Variants in RAB38 observed in about 807,000 individuals in gnomAD.
RAB38 encodes ras-related protein Rab-38.
Under a neutral mutation model 18.4 loss-of-function variants are expected in RAB38, and 15 were observed. That is an observed-to-expected ratio of 0.82 (90% CI 0.55 to 1.26). The LOEUF (loss-of-function observed/expected upper bound fraction) is 1.26, where lower values mean the gene tolerates loss of function less well. Ranked by LOEUF, RAB38 falls within the 50% of genes most tolerant of loss-of-function variation. The pLI, the probability that RAB38 is intolerant of heterozygous loss-of-function variation, is 0.00. For missense variants in RAB38, 294 were observed against 267.4 expected (o/e 1.10, Z -0.69); for synonymous variants, 101 against 104.4 (o/e 0.97, Z 0.20).
chr11:88,040,681 CA>C, the RAB38 span, among the ~76,000 whole-genome samples: 1 of 151,976 alleles, frequency 6.6e-6, no homozygotes, highest in African/African-American at 2.4e-5. Context: ...CCAGCCTGGA[CA>C]ACAGAGGGAG....
chr11:87,869,423 G>T, the RAB38 span, among the ~76,000 whole-genome samples: 1 of 151,604 alleles, frequency 6.6e-6, no homozygotes, highest in South Asian at 2.1e-4. Flanking sequence ...ATAAGAACCC[G>T]GCTCACTCAC....
intron 1 of RAB38, among the ~76,000 whole-genome samples, chr11:88,156,612 G>A (rs1461756689): frequency 3.3e-5 from 5 of 152,180 alleles, no homozygotes; most frequent in African/African-American, 1.2e-4. Flanking sequence ...TGAGGCAGGA[G>A]AAACACTTGA....
the RAB38 span, among the ~76,000 whole-genome samples, chr11:88,066,868 T>C: frequency 1.3e-5 from 2 of 152,234 alleles, no homozygotes; most frequent in Non-Finnish European, 2.9e-5. Context: ...TACAAACCCC[T>C]GTCATGATTT....
the RAB38 span, among the ~76,000 whole-genome samples, chr11:87,922,897 G>T: frequency 1.3e-5 from 2 of 150,852 alleles, no homozygotes; most frequent in African/African-American, 4.9e-5. Context: ...GATGGAAGGG[G>T]GAAGGGAGGA....
chr11:88,019,908 C>T, the RAB38 span, among the ~76,000 whole-genome samples: 10 of 152,252 alleles, frequency 6.6e-5, no homozygotes, highest in Middle Eastern at 6.8e-3. Flanking sequence ...TGTTTGTGGT[C>T]TATCTCCTCC....
At chr11:87,852,143 G>A in the RAB38 span, among the ~76,000 whole-genome samples, 30 of 152,166 alleles carry the variant, frequency 2.0e-4, 1 homozygote, top group South Asian at 1.7e-3. Flanking sequence ...TAGAGACAAG[G>A]ATATTCCTTT....
chr11:88,096,394 A>G, the RAB38 span, among the ~76,000 whole-genome samples: 2 of 151,898 alleles, frequency 1.3e-5, no homozygotes, highest in South Asian at 2.1e-4. Flanking sequence ...ATCTCCACAT[A>G]GAAGATTCCT....
At chr11:87,974,852 A>G in the RAB38 span, among the ~76,000 whole-genome samples, 1 of 151,956 alleles carries the variant, frequency 6.6e-6, no homozygotes, top group African/African-American at 2.4e-5. Flanking sequence ...ACAAACAAAC[A>G]AACAAAACTC....
the RAB38 span, among the ~76,000 whole-genome samples, chr11:87,883,190 G>A: frequency 4.7e-4 from 71 of 151,932 alleles, no homozygotes; most frequent in Non-Finnish European, 2.2e-4. Context: ...TAGATCACTC[G>A]ATATTTCTCC....
the RAB38 span, among the ~76,000 whole-genome samples, chr11:88,040,187 G>A: frequency 6.6e-6 from 1 of 152,164 alleles, no homozygotes; most frequent in Non-Finnish European, 1.5e-5. Flanking sequence ...TTAAACAATA[G>A]AAATTTATGT....
chr11:87,810,835 A>T, the RAB38 span, among the ~76,000 whole-genome samples: 3 of 152,090 alleles, frequency 2.0e-5, no homozygotes, highest in African/African-American at 7.2e-5. Context: ...ACCGGTGGAT[A>T]CAGCAGTGTA....
chr11:87,811,240 C>T, the RAB38 span, among the ~76,000 whole-genome samples: 3 of 152,162 alleles, frequency 2.0e-5, no homozygotes, highest in Non-Finnish European at 2.9e-5. Flanking sequence ...CATTTTTCCT[C>T]TTAGAGCACA....
chr11:87,922,563 C>T, the RAB38 span, among the ~76,000 whole-genome samples: 1 of 141,510 alleles, frequency 7.1e-6, no homozygotes, highest in Non-Finnish European at 1.5e-5. Flanking sequence ...TTTTTCTCAC[C>T]TGAAAAAAAT....
At chr11:88,098,029 G>A in the RAB38 span, 1 of 151,920 alleles carries the variant, frequency 6.6e-6, no homozygotes, top group African/African-American at 2.4e-5. Flanking sequence ...CAAGGGGAAT[G>A]GTTAAACATC....
At chr11:88,163,792 T>C (rs977178179) in intron 1 of RAB38, among the ~76,000 whole-genome samples, 1 of 152,126 alleles carries the variant, frequency 6.6e-6, no homozygotes, top group Non-Finnish European at 1.5e-5. Flanking sequence ...ATGTGATATA[T>C]ATGTGTGTAT....
At chr11:88,141,616 A>T (rs1052941168) in intron 2 of RAB38, among the ~76,000 whole-genome samples, 2 of 152,216 alleles carry the variant, frequency 1.3e-5, no homozygotes, top group African/African-American at 2.4e-5. Flanking sequence ...CTTTGAGTTC[A>T]GACTTCTACA....
At chr11:88,051,716 A>T in the RAB38 span, among the ~76,000 whole-genome samples, 1 of 152,216 alleles carries the variant, frequency 6.6e-6, no homozygotes, top group East Asian at 1.9e-4. Context: ...AGGCATTATA[A>T]AATTGTCCCA....
the RAB38 span, among the ~76,000 whole-genome samples, chr11:87,896,315 A>G: frequency 6.6e-6 from 1 of 151,852 alleles, no homozygotes; most frequent in South Asian, 2.1e-4. Flanking sequence ...AATCTCCCAC[A>G]TTCTAGACAA....
intron 2 of RAB38, among the ~76,000 whole-genome samples, chr11:88,129,534 G>A (rs957211968): frequency 2.6e-5 from 4 of 152,040 alleles, no homozygotes; most frequent in Admixed American, 2.0e-4. Context: ...TCAGCTATTC[G>A]GGAGGCTGAG....
Sources: allele counts gnomAD v4.1 joint callset (sites outside exome capture counted in the v4.1 genomes callset), GRCh38; gene constraint gnomAD v4.1.1; transcripts MANE v1.5; gene names NCBI Gene and HGNC (gene_info 2026-07-23, HGNC 2026-07-21).